AKNA: variants seen among roughly 807,000 people sequenced by gnomAD.
AKNA encodes the protein AT-hook transcription factor.
Under a neutral mutation model 138.8 loss-of-function variants are expected in AKNA, and 67 were observed. That is an observed-to-expected ratio of 0.48 (90% CI 0.40 to 0.59). The LOEUF (loss-of-function observed/expected upper bound fraction) is 0.59, where lower values mean the gene tolerates loss of function less well. Among genes scored for constraint, AKNA ranks in the 20% least tolerant of loss-of-function variants. The pLI is 0.00. For missense variants in AKNA, 1,813 were observed against 1,880.4 expected (o/e 0.96, Z 0.66); for synonymous variants, 737 against 754.4 (o/e 0.98, Z 0.38).
At position 114,381,551 on chromosome 9, in the gene AKNA, C is replaced by T. The variant is rs931566358; in HGVS notation, c.-113-105G>A. 8.5e-6 allele frequency: 10 copies of T among 1,173,042 alleles called. No homozygotes were observed. In the East Asian group the frequency reaches 1.9e-4, roughly 23 times the overall value. The allele number at this position is 1,173,042 out of a possible 1,614,324, so 72.7% of individuals were successfully genotyped here. A position where few individuals can be genotyped will look rare whatever the true frequency, so the allele number is the denominator to read the frequency against. On this transcript the variant is annotated intron_variant, in intron 1 of 21. Transcript: ENST00000374088. ...AACTCTGGAATTAGCCCCAGTTCAA[C>T]TCCTGGTTGTGTCCTCCCGAAGCTG... is the stretch of plus-strand genomic sequence containing the variant.
intron 2 of AKNA, among the ~76,000 whole-genome samples, chr9:114,378,963 C>A (rs1833441366): frequency 6.6e-6 from 1 of 152,238 alleles, no homozygotes; most frequent in South Asian, 2.1e-4. Flanking sequence ...CTTTCCCCTA[C>A]CCTTGATGCC....
At chr9:114,342,726 G>T (rs2131793693) in intron 19 of AKNA, among the ~76,000 whole-genome samples, 1 of 152,138 alleles carries the variant, frequency 6.6e-6, no homozygotes, top group South Asian at 2.1e-4. Context: ...ACTCCCTCTG[G>T]GAAGCCCTCC....
In AKNA at chr9:114,381,034, T is replaced by C. The variant is rs1447330204; in HGVS notation, c.274+26A>G. Reference sequence around the variant, plus strand: ...TGATGTTTTGGGGACAGGACACCACTGTAGGGGGAGGGGTGTCAGTCTCAC... The same window carrying C: ...TGATGTTTTGGGGACAGGACACCACCGTAGGGGGAGGGGTGTCAGTCTCAC... On this transcript the variant is annotated intron_variant, in intron 2 of 21. Transcript: ENST00000374088. 3.4e-6 allele frequency: 5 copies of C among 1,480,974 alleles called. No homozygotes were observed. In the African/African-American group the frequency reaches 4.5e-5, roughly 13 times the overall value. 91.7% of individuals were successfully genotyped at this position (1,480,974 alleles called of 1,614,324 possible). A position where few individuals can be genotyped will look rare whatever the true frequency, so the allele number is the denominator to read the frequency against.
chr9:114,341,818 G>A, intron 20 of AKNA, 93 bp from the exon 21 acceptor site: 3 of 1,411,450 alleles, frequency 2.1e-6, no homozygotes, highest in Non-Finnish European at 1.9e-6. Flanking sequence ...TCCCCTATGA[G>A]AGCTGGACAG....
chr9:114,354,025 A>G (rs1039795740), intron 14 of AKNA, among the ~76,000 whole-genome samples: 1 of 152,236 alleles, frequency 6.6e-6, no homozygotes, highest in Non-Finnish European at 1.5e-5. Context: ...TTTTTCTTCA[A>G]TAATTAATCA....
At chr9:114,376,307 C>T in intron 3 of AKNA, 159 bp downstream of exon 3, 1 of 738,666 alleles carries the variant, frequency 1.4e-6, no homozygotes, top group Non-Finnish European at 2.3e-6. Context: ...CTCCCCACCC[C>T]ACCAGCCTCC....
chr9:114,355,228 T>A (rs533285245), intron 14 of AKNA, among the ~76,000 whole-genome samples: 2 of 146,842 alleles, frequency 1.4e-5, no homozygotes, highest in East Asian at 4.0e-4. Context: ...CAGGCTGGAG[T>A]GCAATGGCAC....
intron 15 of AKNA, 44 bp from the exon 16 acceptor site, chr9:114,347,944 G>T: frequency 6.5e-7 from 1 of 1,539,112 alleles, no homozygotes; most frequent in South Asian, 1.2e-5. Context: ...GAGGCATGAG[G>T]AACAGAGCTG....
downstream of AKNA, chr9:114,331,775 T>C (rs1177440049): frequency 1.9e-6 from 3 of 1,593,692 alleles, no homozygotes; most frequent in South Asian, 3.3e-5. Context: ...CTCCCTGGCC[T>C]CCCGCCGGGC....
At chr9:114,364,084 C>T (rs752106101) in intron 7 of AKNA, among the ~76,000 whole-genome samples, 2 of 151,488 alleles carry the variant, frequency 1.3e-5, no homozygotes, top group African/African-American at 2.4e-5. Flanking sequence ...TGTTTAAAGG[C>T]GATAAAAAAG....
At chr9:114,346,057 A>G in intron 17 of AKNA, 48 bp from the exon 18 acceptor site, 2 of 1,584,454 alleles carry the variant, frequency 1.3e-6, no homozygotes, top group East Asian at 4.5e-5. Flanking sequence ...GGTGGGGGTC[A>G]CATTTCTCAA....
chr9:114,370,864 C>A (rs915002806), intron 4 of AKNA, among the ~76,000 whole-genome samples: 1 of 152,166 alleles, frequency 6.6e-6, no homozygotes, highest in Non-Finnish European at 1.5e-5. Context: ...CCCCTCCCCC[C>A]ATCCCCACCC....
chr9:114,395,054 T>C (rs17231346), upstream of AKNA, among the ~76,000 whole-genome samples: 31,205 of 152,052 alleles, frequency 0.21, 3,416 homozygotes, highest in Middle Eastern at 0.3. Flanking sequence ...GGAGTTCGCC[T>C]GACATTTGGC....
downstream of AKNA, chr9:114,331,603 T>C: frequency 2.5e-6 from 4 of 1,614,032 alleles, no homozygotes; most frequent in Non-Finnish European, 3.4e-6. Flanking sequence ...CTGCTGTTCC[T>C]TAGGGACACC....
At chr9:114,361,007 C>A (rs1000148981) in intron 9 of AKNA, among the ~76,000 whole-genome samples, 1 of 152,132 alleles carries the variant, frequency 6.6e-6, no homozygotes, top group Non-Finnish European at 1.5e-5. Flanking sequence ...TCAAACATAC[C>A]TTCCCAACCT....
intron 15 of AKNA, among the ~76,000 whole-genome samples, chr9:114,349,807 C>T (rs189411138): frequency 1.6e-4 from 25 of 152,308 alleles, no homozygotes; most frequent in Admixed American, 1.4e-3. Context: ...GACCGTTTAG[C>T]TCCTCCAAGG....
chr9:114,382,506 C>T (rs1439205135), intron 1 of AKNA, among the ~76,000 whole-genome samples: 1 of 151,204 alleles, frequency 6.6e-6, no homozygotes, highest in African/African-American at 2.4e-5. Flanking sequence ...TCACTTAAGC[C>T]CGGGAGGTCG....
upstream of AKNA, among the ~76,000 whole-genome samples, chr9:114,392,607 G>C (rs997985680): frequency 9.9e-5 from 15 of 152,236 alleles, no homozygotes; most frequent in African/African-American, 2.9e-4. Context: ...AGCTGGCACA[G>C]AATGACTGTT....
chr9:114,337,073 C>T lies in AKNA; in HGVS notation c.4301G>A (p.Arg1434Gln), dbSNP rs568398137. 123 of 1,543,208 alleles carry T rather than the reference C, an allele frequency of 8.0e-5. No individual in the cohort carries two copies. Among genetic ancestry groups the T allele is most frequent in the Non-Finnish European group, 9.1e-5 (104 of 1,141,112 alleles). ...SADLRQAHSL[R>Q]GSCLF The stretch of plus-strand genomic sequence containing the variant: ...GTGAAGTCAGAAGAGGCAGGAGCCC[C>T]GCAGGCTGTGAGCCTGGCGCAGGTC... The change falls in exon 22 of 22, where the codon CGG (arginine) becomes CAG (glutamine). Residue 1434 changes from arginine (R) to glutamine (Q), a missense_variant. Physicochemically the swap from Arg to Gln is conservative, Grantham distance 43. Transcript: ENST00000374088.
Sources: gnomAD v4.1 joint callset for allele counts (sites outside exome capture counted in the v4.1 genomes callset) on GRCh38, gnomAD v4.1.1 for gene constraint, MANE v1.5 for transcripts, NCBI Gene and HGNC (gene_info 2026-07-23, HGNC 2026-07-21) for gene names.